The following SEMA6C variants were observed in gnomAD, a reference collection of about 807,000 sequenced individuals.
SEMA6C encodes the protein semaphorin 6C.
SEMA6C carries 37 observed loss-of-function variants against 72.9 expected under a neutral mutation model. That is an observed-to-expected ratio of 0.51 (90% confidence interval 0.39 to 0.67). SEMA6C has a LOEUF of 0.67. Among genes scored for constraint, SEMA6C ranks in the 30% least tolerant of loss-of-function variants. The pLI is 0.00. For synonymous variants in SEMA6C, 578 were observed against 554.1 expected, an observed-to-expected ratio of 1.04 and a Z score of -0.61; for missense variants, 1,189 against 1,263.6, an observed-to-expected ratio of 0.94 and a Z score of 0.89.
rs1681743683 is a variant in SEMA6C at position 151,133,410 on chromosome 1, G to T, written c.1867C>A (p.Leu623Ile). ...AFALGASVSG[L>I]LVSCACRRAH... ...CGGCGACAAGCACAGGAGACCAGGA[G>T]GCCAGAGACTGAGGCGCCCAGGGCA... is the stretch of plus-strand genomic sequence containing the variant. Residue 623 changes from leucine (L) to isoleucine (I), a missense_variant, in exon 19 of 19, where the codon CTC (leucine) becomes ATC (isoleucine). Physicochemically the swap from Leu to Ile is conservative, Grantham distance 5. Coordinates refer to ENST00000368914, the MANE Select transcript of SEMA6C (RefSeq NM_030913.6). The surrounding 1 kb of genome is among the most constrained non-coding windows in gnomAD (Gnocchi z 5.9). The T allele has an allele frequency of 1.9e-6, 3 of 1,595,678 alleles. No homozygotes were observed. Among genetic ancestry groups the T allele is most frequent in the Non-Finnish European group, 2.6e-6 (3 of 1,174,138 alleles).
At chr1:151,139,949 C>G in intron 4 of SEMA6C, 27 bp downstream of exon 4, 1 of 1,603,728 alleles carries the variant, frequency 6.2e-7, no homozygotes, top group Non-Finnish European at 8.5e-7. Context: ...GCATGTCTGC[C>G]CCACAACTGT....
rs1682880719 is a variant in SEMA6C, at chr1:151,145,673, C to G, written c.-105+760G>C. ...AGGAGGGGCTGGAGGGGCCTGCAGG[C>G]GCAGACGAAGAGGGGATAGGAGCGG... On this transcript the variant is annotated intron_variant, in intron 1 of 18. Transcript: ENST00000368914. The surrounding 1 kb of genome is among the most constrained non-coding windows in gnomAD (Gnocchi z 4.4). 6.4e-6 allele frequency: 1 copy of G among 155,568 alleles called. No homozygotes were observed. The highest frequency in any genetic ancestry group is 6.5e-5 in the Admixed American group (1 of 15,332). 9.6% of individuals were successfully genotyped at this position (155,568 alleles called of 1,614,324 possible).
chr1:151,133,706 T>TA lies in SEMA6C; in HGVS notation c.1760-190dup, dbSNP rs1681777064. 6.6e-6 allele frequency among the ~76,000 whole-genome samples: 1 copy of TA among 152,166 alleles called. No homozygotes were observed. The highest frequency in any genetic ancestry group is 1.5e-5 in the Non-Finnish European group (1 of 68,016). ...ACTCCTCAGCATACAGCCCACGCACTACCCCTCACACTCAGGCCAGAGCTT... is the reference window on the plus strand; with the variant it reads ...ACTCCTCAGCATACAGCCCACGCACTAACCCCTCACACTCAGGCCAGAGCTT... On this transcript the variant is annotated intron_variant, in intron 18 of 18. Coordinates refer to ENST00000368914, the MANE Select transcript of SEMA6C (RefSeq NM_030913.6). This position sits in a 1 kb window ranked among gnomAD's most constrained non-coding sequence, Gnocchi z 5.9.
Position 151,134,688 on chromosome 1 carries a change from C to A in SEMA6C, c.1659-13G>T. 1 of 1,614,054 alleles carries A rather than the reference C, an allele frequency of 6.2e-7. No homozygotes were observed. Among genetic ancestry groups the A allele is most frequent in the Admixed American group, 1.7e-5 (1 of 60,020 alleles). On this transcript the variant is annotated splice_polypyrimidine_tract_variant and intron_variant, in intron 16 of 18. Coordinates refer to ENST00000368914, the MANE Select transcript of SEMA6C (RefSeq NM_030913.6). ...ATCCACATCAGTCCTAGGAGGAAAA[C>A]GAAGTGGCTATAGAATTCTGTACGT...
At position 151,132,354 on chromosome 1, in the gene SEMA6C, C is replaced by A; in HGVS notation, c.*130G>T. On this transcript the variant is annotated 3_prime_UTR_variant, in exon 19 of 19. Coordinates refer to ENST00000368914, the MANE Select transcript of SEMA6C (RefSeq NM_030913.6). Reference sequence around the variant, plus strand: ...ATAAACCCGAGGCGAAAAGGGGCCTCGGGAGACTCTGCGAGTCGGGAAGGC... The same window carrying A: ...ATAAACCCGAGGCGAAAAGGGGCCTAGGGAGACTCTGCGAGTCGGGAAGGC... The A allele has an allele frequency of 6.5e-7, 1 of 1,537,934 alleles. No homozygotes were observed. The highest frequency in any genetic ancestry group is 1.2e-5 in the South Asian group (1 of 82,346).
rs1572015347 is a variant in SEMA6C, at chr1:151,132,311, G to A, written c.*173C>T. On this transcript the variant is annotated 3_prime_UTR_variant, in exon 19 of 19. Coordinates refer to ENST00000368914, the MANE Select transcript of SEMA6C (RefSeq NM_030913.6). ...CTCCCACTCTTCTGTCGAGGACAGG[G>A]GGAAAGACAGTCAATAAATAAACCC... The A allele has an allele frequency of 1.3e-6, 2 of 1,538,508 alleles. No individual in the cohort carries two copies. The highest frequency in any genetic ancestry group is 1.2e-5 in the South Asian group (1 of 83,162).
In SEMA6C at chr1:151,133,456, CAGG is replaced by C. The variant is rs1681748465; in HGVS notation, c.1818_1820del (p.Leu607del). On this transcript the variant is annotated inframe_deletion, in exon 19 of 19. Transcript: ENST00000368914. This position sits in a 1 kb window ranked among gnomAD's most constrained non-coding sequence, Gnocchi z 5.9. ...GGGCAAAAGCTGCGGCCACACTGGC[CAGG>C]AGGAGTGGGATGGGGACGGAGCGGG... The C allele has an allele frequency of 1.9e-6, 3 of 1,562,210 alleles. No individual in the cohort carries two copies. Among genetic ancestry groups the C allele is most frequent in the Non-Finnish European group, 2.6e-6 (3 of 1,159,064 alleles).
intron 6 of SEMA6C, among the ~76,000 whole-genome samples, chr1:151,138,971 T>C (rs938121286): frequency 2.0e-5 from 3 of 151,608 alleles, no homozygotes; most frequent in Non-Finnish European, 4.4e-5. Context: ...CATGTGCCTG[T>C]AATCCCAGCT....
In SEMA6C at chr1:151,132,879, C is replaced by A; in HGVS notation, c.2398G>T (p.Ala800Ser). 1 of 1,290,774 alleles carries A rather than the reference C, an allele frequency of 7.7e-7. No individual in the cohort carries two copies. The highest frequency in any genetic ancestry group is 9.8e-7 in the Non-Finnish European group (1 of 1,018,796). The allele number at this position is 1,290,774 out of a possible 1,614,324, so 80.0% of individuals were successfully genotyped here. The part of the protein sequence containing the change: ...LTSRALPPEP[A>S]PALLGGPSPR... Reference sequence around the variant, plus strand: ...CTGGGGCCGCCCAAGAGGGCGGGGGCGGGCTCCGGCGGGAGCGCCCGCGAG... The same window carrying A: ...CTGGGGCCGCCCAAGAGGGCGGGGGAGGGCTCCGGCGGGAGCGCCCGCGAG... The change falls in exon 19 of 19, where the codon GCC becomes TCC. Residue 800 changes from alanine to serine, a missense_variant. Physicochemically the swap from Ala to Ser is moderately conservative, Grantham distance 99. This residue lies in a region of SEMA6C where 721 missense variants were observed against 686.2 expected (regional missense o/e 1.05). Coordinates refer to ENST00000368914, the MANE Select transcript of SEMA6C (RefSeq NM_030913.6).
Position 151,133,261 on chromosome 1 carries a change from G to C in SEMA6C, c.2016C>G (p.Asp672Glu). 6.3e-7 allele frequency: 1 copy of C among 1,578,486 alleles called. No individual in the cohort carries two copies. The highest frequency in any genetic ancestry group is 8.6e-7 in the Non-Finnish European group (1 of 1,167,240). ...TGTAGAGCTGCGGCGTCTGCACCGC[G>C]TCCCCGTCCTTGGAGGGCGGCGGGG... ...PEPPPPSKDGDAVQTPQLYTT... is the reference protein window; with the variant it reads ...PEPPPPSKDGEAVQTPQLYTT... The change falls in exon 19 of 19, where the codon GAC becomes GAG. Residue 672 changes from aspartate to glutamate, a missense_variant. By Grantham distance (45) the Asp-to-Glu change is conservative. Coordinates refer to ENST00000368914, the MANE Select transcript of SEMA6C (RefSeq NM_030913.6). This position sits in a 1 kb window ranked among gnomAD's most constrained non-coding sequence, Gnocchi z 5.9.
At chr1:151,137,143 G>A (rs1682092651) in intron 10 of SEMA6C, 69 bp from the exon 11 acceptor site, 2 of 1,433,512 alleles carry the variant, frequency 1.4e-6, no homozygotes, top group Admixed American at 1.7e-5. Flanking sequence ...CAAGGAGTGT[G>A]GTGAGTTAAG....
chr1:151,140,322 T>G (rs1682425920), intron 3 of SEMA6C, among the ~76,000 whole-genome samples: 1 of 152,232 alleles, frequency 6.6e-6, no homozygotes, highest in South Asian at 2.1e-4. Flanking sequence ...TTGGCCCCAT[T>G]TTACAGATGA....
intron 10 of SEMA6C, 125 bp downstream of exon 10, chr1:151,137,586 G>C: frequency 1.3e-6 from 1 of 779,552 alleles, no homozygotes. Context: ...ATTCCAAGTT[G>C]AGGGGTGAGA....
chr1:151,134,400 C>A lies in SEMA6C; in HGVS notation c.1759+1G>T. The A allele has an allele frequency of 6.3e-7, 1 of 1,585,686 alleles. No homozygotes were observed. Among genetic ancestry groups the A allele is most frequent in the Non-Finnish European group, 8.6e-7 (1 of 1,165,720 alleles). ...GGTGAGGTTGGGACAAGAGGACTCA[C>A]CATAAGCAGAATCCCCAGGGCCAGA... On this transcript the variant is annotated splice_donor_variant, in intron 18 of 18. Coordinates refer to ENST00000368914, the MANE Select transcript of SEMA6C (RefSeq NM_030913.6). LOFTEE classifies it high-confidence loss of function.
At position 151,146,615 on chromosome 1, in the gene SEMA6C, C is replaced by A. The variant is rs1682954456; in HGVS notation, c.-287G>T. On this transcript the variant is annotated 5_prime_UTR_variant, in exon 1 of 19. Transcript: ENST00000368914. This position sits in a 1 kb window ranked among gnomAD's most constrained non-coding sequence, Gnocchi z 4.6. ...CCTGGGTCCAAGTCCAGCCGCGGAT[C>A]CGCGGAGGAAAACAATGCGACCGCC... is the stretch of plus-strand genomic sequence containing the variant. The A allele has an allele frequency of 6.6e-6, 1 of 152,238 alleles. No individual in the cohort carries two copies. Among genetic ancestry groups the A allele is most frequent in the Non-Finnish European group, 1.5e-5 (1 of 68,056 alleles). 9.4% of individuals were successfully genotyped at this position (152,238 alleles called of 1,614,324 possible).
chr1:151,139,101 A>G (rs1682302159), intron 6 of SEMA6C, among the ~76,000 whole-genome samples: 1 of 151,724 alleles, frequency 6.6e-6, no homozygotes, highest in Non-Finnish European at 1.5e-5. Context: ...TCAAAAAAAA[A>G]AAAAAAAAAA....
rs751343605 is a variant in SEMA6C, at chr1:151,132,247, C to G, written c.*237G>C. 6.6e-7 allele frequency: 1 copy of G among 1,522,440 alleles called. No individual in the cohort carries two copies. The highest frequency in any genetic ancestry group is 1.4e-5 in the African/African-American group (1 of 72,762). 94.3% of individuals were successfully genotyped at this position (1,522,440 alleles called of 1,614,324 possible). ...CGGGGAGTGGGAGTCCGCCAGCTCCCCCTGAAATGCTGGCTCACTGAGGAG... is the reference window on the plus strand; with the variant it reads ...CGGGGAGTGGGAGTCCGCCAGCTCCGCCTGAAATGCTGGCTCACTGAGGAG... On this transcript the variant is annotated 3_prime_UTR_variant, in exon 19 of 19. Coordinates refer to ENST00000368914, the MANE Select transcript of SEMA6C (RefSeq NM_030913.6).
In SEMA6C at chr1:151,135,217, C is replaced by T. The variant is rs764227407; in HGVS notation, c.1526G>A (p.Gly509Asp). The T allele has an allele frequency of 6.2e-7, 1 of 1,614,192 alleles. No individual in the cohort carries two copies. Among genetic ancestry groups the T allele is most frequent in the South Asian group, 1.1e-5 (1 of 91,084 alleles). ...GCTGAGAGGGAGGTAGACAATACAGCCAGAAAAAGCCACAAAAAGCCTGTG... is the reference window on the plus strand; with the variant it reads ...GCTGAGAGGGAGGTAGACAATACAGTCAGAAAAAGCCACAAAAAGCCTGTG... ...EGHRLFVAFS[G>D]CIVYLPLSRC... The change falls in exon 15 of 19, where the codon GGC becomes GAC. Residue 509 changes from glycine (G) to aspartate (D), a missense_variant. Gly to Asp is a moderately conservative substitution (Grantham distance 94, BLOSUM62 -1). This residue lies in a region of SEMA6C where 721 missense variants were observed against 686.2 expected (regional missense o/e 1.05). Coordinates refer to ENST00000368914, the MANE Select transcript of SEMA6C (RefSeq NM_030913.6).
intron 6 of SEMA6C, 54 bp from the exon 7 acceptor site, chr1:151,138,785 G>A: frequency 7.1e-7 from 1 of 1,402,498 alleles, no homozygotes; most frequent in Admixed American, 1.7e-5. Flanking sequence ...ACTGAGAACA[G>A]GAGGTAATAG....
Sources: allele counts gnomAD v4.1 joint callset (sites outside exome capture counted in the v4.1 genomes callset), GRCh38; gene constraint gnomAD v4.1.1; regional missense constraint gnomAD v4.1.1; non-coding constraint Gnocchi (gnomAD v3.1); transcripts MANE v1.5; gene names NCBI Gene and HGNC (gene_info 2026-07-23, HGNC 2026-07-21).